HECW1: variants seen among roughly 807,000 people sequenced by gnomAD.
HECW1 encodes E3 ubiquitin-protein ligase HECW1.
Under a neutral mutation model 182.3 loss-of-function variants are expected in HECW1, and 61 were observed. The ratio of observed to expected loss-of-function variants is 0.33; its 90% confidence interval spans 0.27 to 0.41. The LOEUF is 0.41. Among genes scored for constraint, HECW1 ranks in the 10% least tolerant of loss-of-function variants. HECW1 has a pLI of 1.00. For synonymous variants in HECW1, 859 were observed against 832.6 expected (o/e 1.03, Z -0.55); for missense variants, 1,739 against 2,108.9 (o/e 0.82, Z 3.44).
chr7:43,306,972 C>T (rs12532855), intron 3 of HECW1, among the ~76,000 whole-genome samples: 20,181 of 152,058 alleles, frequency 0.13, 1,433 homozygotes, highest in Middle Eastern at 0.21. Context: ...ACAAAGAGCA[C>T]ATCACTTAAT....
chr7:43,287,107 GA>G (rs1804746613), intron 3 of HECW1, among the ~76,000 whole-genome samples: 1 of 152,158 alleles, frequency 6.6e-6, no homozygotes. Context: ...ACCTTGTTGT[GA>G]GAGGAAATGA....
intron 7 of HECW1, among the ~76,000 whole-genome samples, chr7:43,402,459 A>G (rs10247622): frequency 0.18 from 26,767 of 152,078 alleles, 2,716 homozygotes; most frequent in African/African-American, 0.27. Flanking sequence ...CTATTTCACA[A>G]GTTCTAAGGG....
At chr7:43,120,030 A>C (rs925462953) in intron 2 of HECW1, among the ~76,000 whole-genome samples, 8 of 152,204 alleles carry the variant, frequency 5.3e-5, no homozygotes, top group Non-Finnish European at 1.2e-4. Flanking sequence ...TGTGCCAGGC[A>C]TTGGTTTAGG....
chr7:43,144,065 T>G (rs1181630797), intron 2 of HECW1, among the ~76,000 whole-genome samples: 1 of 152,166 alleles, frequency 6.6e-6, no homozygotes, highest in Non-Finnish European at 1.5e-5. Flanking sequence ...CCAAATGACA[T>G]CGAGTCATCA....
intron 3 of HECW1, among the ~76,000 whole-genome samples, chr7:43,257,368 C>T (rs1394922134): frequency 1.3e-5 from 2 of 152,134 alleles, no homozygotes; most frequent in South Asian, 2.1e-4. Context: ...AACCTATCAC[C>T]TAGTAACTCA....
intron 13 of HECW1, among the ~76,000 whole-genome samples, chr7:43,461,378 G>A (rs1004447487): frequency 1.3e-5 from 2 of 152,242 alleles, no homozygotes; most frequent in Non-Finnish European, 2.9e-5. Context: ...GTAGTTGAAG[G>A]GGACATGGAT....
intron 29 of HECW1, among the ~76,000 whole-genome samples, chr7:43,561,409 G>T (rs918849725): frequency 3.9e-5 from 6 of 152,190 alleles, no homozygotes; most frequent in Non-Finnish European, 5.9e-5. Context: ...AGATGCATGT[G>T]GTTCACAGAG....
chr7:43,138,250 T>G (rs897786326), intron 2 of HECW1, among the ~76,000 whole-genome samples: 1 of 152,268 alleles, frequency 6.6e-6, no homozygotes, highest in African/African-American at 2.4e-5. Context: ...AACTATTGGA[T>G]GCTGGTGAAG....
chr7:43,442,445 A>G, intron 9 of HECW1, 84 bp from the exon 10 acceptor site: 2 of 940,870 alleles, frequency 2.1e-6, no homozygotes, highest in Non-Finnish European at 3.4e-6. Context: ...TGCCTGCCTC[A>G]CCCACTGGTA....
chr7:43,317,391 C>T (rs2152777672), intron 4 of HECW1, among the ~76,000 whole-genome samples: 1 of 152,356 alleles, frequency 6.6e-6, no homozygotes, highest in East Asian at 1.9e-4. Context: ...CCCAGGGCAG[C>T]CCTTGCGAGT....
In HECW1 at chr7:43,314,844, A is replaced by G. The variant is rs925882178; in HGVS notation, c.352+2757A>G. Among the ~76,000 whole-genome samples the G allele has an allele frequency of 2.6e-5, 4 of 152,228 alleles. No individual in the cohort carries two copies. In the East Asian group the frequency reaches 7.7e-4, roughly 29 times the overall value. ...ATTTTCCGTGCTTTGCCAGAGATCA[A>G]ATCAGAGATCTAGGCTGAGAAATGT... On this transcript the variant is annotated intron_variant, in intron 4 of 29. Transcript: ENST00000395891.
chr7:43,172,183 A>G (rs755244778), intron 2 of HECW1, among the ~76,000 whole-genome samples: 19 of 151,562 alleles, frequency 1.3e-4, no homozygotes, highest in Admixed American at 2.0e-4. Context: ...AATCTCAGCT[A>G]CTCAGGAGGC....
chr7:43,432,225 C>T lies in HECW1; in HGVS notation c.802-5778C>T, dbSNP rs1369519816. 6.7e-6 allele frequency among the ~76,000 whole-genome samples: 1 copy of T among 150,112 alleles called. No individual in the cohort carries two copies. Among genetic ancestry groups the T allele is most frequent in the South Asian group, 2.1e-4 (1 of 4,768 alleles). ...CGGGATCTCGGCTCACTGCAAGCTC[C>T]GCCTCCCGGGTTCACGCCATTCTCC... is the stretch of plus-strand genomic sequence containing the variant. On this transcript the variant is annotated intron_variant, in intron 8 of 29. Coordinates refer to ENST00000395891, the MANE Select transcript of HECW1 (RefSeq NM_015052.5). The surrounding 1 kb of genome is among the most constrained non-coding windows in gnomAD (Gnocchi z 4.1).
Position 43,473,561 on chromosome 7 carries a change from A to C in HECW1, c.3099+4456A>C, listed in dbSNP as rs377403732. Among the ~76,000 whole-genome samples, 8 of 152,332 alleles carry C rather than the reference A, an allele frequency of 5.3e-5. No individual in the cohort carries two copies. The East Asian group carries it at 1.5e-3, about 29-fold the overall frequency. On this transcript the variant is annotated intron_variant, in intron 16 of 29. Coordinates refer to ENST00000395891, the MANE Select transcript of HECW1 (RefSeq NM_015052.5). ...AAAAGTCTAAATAAAATATGGGAAA[A>C]GTTGTATAATACAAATGGAATAGTT...
At chr7:43,187,470 G>A (rs940750611) in intron 2 of HECW1, among the ~76,000 whole-genome samples, 3 of 151,684 alleles carry the variant, frequency 2.0e-5, no homozygotes, top group African/African-American at 7.3e-5. Flanking sequence ...AAATTTTAGG[G>A]TTTTTATTTT....
intron 2 of HECW1, among the ~76,000 whole-genome samples, chr7:43,141,786 C>A (rs2152633473): frequency 6.6e-6 from 1 of 152,334 alleles, no homozygotes; most frequent in Admixed American, 6.5e-5. Flanking sequence ...GTGTGAACCA[C>A]CGCACCCGGT....
chr7:43,277,174 C>T (rs1675230943), intron 3 of HECW1, among the ~76,000 whole-genome samples: 1 of 152,142 alleles, frequency 6.6e-6, no homozygotes, highest in Admixed American at 6.5e-5. Flanking sequence ...GAACAAACCT[C>T]CCTTATCTCC....
chr7:43,311,508 G>A (rs1562818489), intron 3 of HECW1: 13 of 688,596 alleles, frequency 1.9e-5, no homozygotes, highest in South Asian at 1.7e-4. Context: ...AGCCGGGAGA[G>A]GCAGAGACTC....
chr7:43,203,881 T>A lies in HECW1; in HGVS notation c.-31-39994T>A, dbSNP rs567693935. ...CCCACTTTCTTAAATTGTATGTATT[T>A]AATAGCTGACAATTCTTGCTATTAT... On this transcript the variant is annotated intron_variant, in intron 2 of 29. Transcript: ENST00000395891. Among the ~76,000 whole-genome samples the A allele has an allele frequency of 1.6e-3, 237 of 152,372 alleles. 1 individual carries two copies. The highest frequency in any genetic ancestry group is 5.6e-3 in the African/African-American group (234 of 41,590).
Sources: gnomAD v4.1 joint callset for allele counts (sites outside exome capture counted in the v4.1 genomes callset) on GRCh38, gnomAD v4.1.1 for gene constraint, Gnocchi (gnomAD v3.1) non-coding constraint, MANE v1.5 for transcripts, NCBI Gene and HGNC (gene_info 2026-07-23, HGNC 2026-07-21) for gene names.